PTPRO: variants seen among roughly 807,000 people sequenced by gnomAD.
PTPRO encodes protein tyrosine phosphatase receptor type O.
Under a neutral mutation model 145.2 loss-of-function variants are expected in PTPRO, and 62 were observed. That is an observed-to-expected ratio of 0.43 (90% CI 0.35 to 0.53). The LOEUF (loss-of-function observed/expected upper bound fraction) is 0.53. PTPRO is among the 20% of genes least tolerant of loss of function. PTPRO has a pLI of 0.01. For synonymous variants in PTPRO, 565 were observed against 514.7 expected (o/e 1.10, Z -1.32); for missense variants, 1,345 against 1,482.7 (o/e 0.91, Z 1.53).
Position 15,596,446 on chromosome 12 carries a change from G to A in PTPRO, c.*373G>A, listed in dbSNP as rs998678835. The stretch of plus-strand genomic sequence containing the variant: ...AGTGCAATAATTTTTGTGTGTGTGT[G>A]ATTCTTATCAGAAAGTTGAATTGTT... On this transcript the variant is annotated 3_prime_UTR_variant, in exon 27 of 27. Coordinates refer to ENST00000281171, the MANE Select transcript of PTPRO (RefSeq NM_030667.3). 1 of 152,562 alleles carries A rather than the reference G, an allele frequency of 6.6e-6. No homozygotes were observed. Among genetic ancestry groups the A allele is most frequent in the East Asian group, 1.9e-4 (1 of 5,196 alleles). The allele number at this position is 152,562 out of a possible 1,614,324, so 9.5% of individuals were successfully genotyped here.
intron 1 of PTPRO, among the ~76,000 whole-genome samples, chr12:15,405,800 T>C (rs968143521): frequency 6.6e-6 from 1 of 152,184 alleles, no homozygotes; most frequent in Non-Finnish European, 1.5e-5. Flanking sequence ...GAAGATGAGT[T>C]AATAATAAAC....
chr12:15,380,183 G>A (rs938836029), intron 1 of PTPRO, among the ~76,000 whole-genome samples: 2 of 151,950 alleles, frequency 1.3e-5, no homozygotes, highest in African/African-American at 4.8e-5. Context: ...ACATCACAGG[G>A]GTTTTGAGAG....
At chr12:15,503,422 T>A (rs1489960145) in intron 5 of PTPRO, among the ~76,000 whole-genome samples, 1 of 152,182 alleles carries the variant, frequency 6.6e-6, no homozygotes, top group Non-Finnish European at 1.5e-5. Context: ...TTAATTTTAC[T>A]TTAAGTTCAG....
chr12:15,592,137 T>G (rs930908726), intron 25 of PTPRO, among the ~76,000 whole-genome samples: 3 of 152,200 alleles, frequency 2.0e-5, no homozygotes, highest in Non-Finnish European at 4.4e-5. Flanking sequence ...CTTTATTTTT[T>G]CCTTGTTCCT....
intron 1 of PTPRO, among the ~76,000 whole-genome samples, chr12:15,452,916 C>G (rs945154380): frequency 2.6e-5 from 4 of 152,012 alleles, no homozygotes; most frequent in African/African-American, 9.7e-5. Context: ...GGAAAAAAAT[C>G]TCATTTATTT....
intron 1 of PTPRO, among the ~76,000 whole-genome samples, chr12:15,470,268 A>G (rs749835971): frequency 1.6e-4 from 25 of 152,198 alleles, no homozygotes; most frequent in Non-Finnish European, 3.5e-4. Context: ...CTGTAGTTAT[A>G]AGAATTGCCT....
chr12:15,332,887 C>T (rs1277548234), intron 1 of PTPRO, among the ~76,000 whole-genome samples: 1 of 152,148 alleles, frequency 6.6e-6, no homozygotes, highest in African/African-American at 2.4e-5. Flanking sequence ...TGCTCTCATG[C>T]ATGTTATGAA....
intron 7 of PTPRO, among the ~76,000 whole-genome samples, chr12:15,510,459 G>T (rs1942414527): frequency 6.6e-6 from 1 of 152,032 alleles, no homozygotes; most frequent in Admixed American, 6.6e-5. Context: ...TTCTCCCCTT[G>T]CCCTACTTAA....
chr12:15,409,585 G>T (rs1274597326), intron 1 of PTPRO, among the ~76,000 whole-genome samples: 4 of 152,168 alleles, frequency 2.6e-5, no homozygotes, highest in Admixed American at 1.3e-4. Flanking sequence ...ATAAAGAAAA[G>T]AACTTTAATG....
rs117259920 is a variant in PTPRO at position 15,386,653 on chromosome 12, G to A, written c.75+63852G>A. Among the ~76,000 whole-genome samples, 381 of 152,252 alleles carry A rather than the reference G, an allele frequency of 2.5e-3. 3 individuals are homozygous for A. Among genetic ancestry groups the A allele is most frequent in the East Asian group, 0.012 (60 of 5,176 alleles). ...ATTGAAGATGCACTGTATAATATAG[G>A]TTTTCCATATAAAGGTGAAAAAATA... On this transcript the variant is annotated intron_variant, in intron 1 of 26. Coordinates refer to ENST00000281171, the MANE Select transcript of PTPRO (RefSeq NM_030667.3).
intron 1 of PTPRO, among the ~76,000 whole-genome samples, chr12:15,325,701 C>T (rs1273407265): frequency 1.3e-5 from 2 of 152,182 alleles, no homozygotes; most frequent in East Asian, 1.9e-4. Context: ...ACTTCCTACA[C>T]TTGTCCTATC....
chr12:15,540,592 T>C (rs1943161446), intron 12 of PTPRO, among the ~76,000 whole-genome samples: 1 of 152,216 alleles, frequency 6.6e-6, no homozygotes, highest in South Asian at 2.1e-4. Flanking sequence ...AACAATGTAA[T>C]AGCTATCAGA....
chr12:15,485,630 G>T (rs926129967), intron 2 of PTPRO, among the ~76,000 whole-genome samples: 3 of 152,116 alleles, frequency 2.0e-5, no homozygotes, highest in African/African-American at 7.2e-5. Context: ...TGTAATGACG[G>T]TCGCTGATCC....
intron 1 of PTPRO, among the ~76,000 whole-genome samples, chr12:15,363,879 T>A (rs1170366635): frequency 6.6e-6 from 1 of 152,180 alleles, no homozygotes; most frequent in African/African-American, 2.4e-5. Flanking sequence ...TCCAACAGTT[T>A]CTGTTATTAT....
chr12:15,457,549 G>T (rs1941207787), intron 1 of PTPRO, among the ~76,000 whole-genome samples: 1 of 151,848 alleles, frequency 6.6e-6, no homozygotes, highest in Non-Finnish European at 1.5e-5. Context: ...TGTCTGACCT[G>T]CAATTCTTTT....
chr12:15,356,097 A>T (rs976981455), intron 1 of PTPRO, among the ~76,000 whole-genome samples: 1 of 152,212 alleles, frequency 6.6e-6, no homozygotes, highest in Admixed American at 6.5e-5. Context: ...TTTGGTGTCC[A>T]AATTGTATAG....
chr12:15,482,615 T>A (rs2136436638), intron 1 of PTPRO, among the ~76,000 whole-genome samples: 1 of 152,240 alleles, frequency 6.6e-6, no homozygotes. Flanking sequence ...TATATATGTA[T>A]CAAAATATCA....
Position 15,581,036 on chromosome 12 carries a change from A to T in PTPRO, c.3132+205A>T, listed in dbSNP as rs1479956522. ...CTTTGCAATGTCTAAAGGAAAAAAG[A>T]GAAGGTTGGAAGTCTTCTAAAAAGG... On this transcript the variant is annotated intron_variant, in intron 22 of 26. Transcript: ENST00000281171. 2.0e-5 allele frequency among the ~76,000 whole-genome samples: 3 copies of T among 152,360 alleles called. No individual in the cohort carries two copies. In the East Asian group the frequency reaches 5.8e-4, roughly 29 times the overall value.
intron 1 of PTPRO, among the ~76,000 whole-genome samples, chr12:15,393,689 A>G (rs1347734456): frequency 1.3e-5 from 2 of 151,624 alleles, no homozygotes; most frequent in Admixed American, 6.6e-5. Context: ...CATACAGGCA[A>G]CTTGCCAGGA....
Sources: allele counts gnomAD v4.1 joint callset (sites outside exome capture counted in the v4.1 genomes callset), GRCh38; gene constraint gnomAD v4.1.1; transcripts MANE v1.5; gene names NCBI Gene and HGNC (gene_info 2026-07-23, HGNC 2026-07-21).